URGCP: variants seen among roughly 807,000 people sequenced by gnomAD.
URGCP encodes up-regulator of cell proliferation.
In URGCP, 13 loss-of-function variants were observed where a neutral mutation model predicts 24.6. That is an observed-to-expected ratio of 0.53 (90% CI 0.34 to 0.84). The LOEUF (loss-of-function observed/expected upper bound fraction) is 0.84, where lower values mean the gene tolerates loss of function less well. URGCP is among the 40% of genes least tolerant of loss of function. The pLI is 0.01. For missense variants in URGCP, 899 were observed against 1,194.3 expected, an observed-to-expected ratio of 0.75 and a Z score of 3.64; for synonymous variants, 444 against 487.2, an observed-to-expected ratio of 0.91 and a Z score of 1.17.
intron 3 of URGCP, among the ~76,000 whole-genome samples, chr7:43,882,298 C>G (rs2095855132): frequency 6.6e-6 from 1 of 152,172 alleles, no homozygotes; most frequent in African/African-American, 2.4e-5. Flanking sequence ...CAAAAATTAG[C>G]TGGGCGTGGT....
At chr7:43,909,590 G>A (rs531314937), upstream of URGCP, among the ~76,000 whole-genome samples, 3 of 152,178 alleles carry the variant, frequency 2.0e-5, no homozygotes, top group Admixed American at 1.3e-4. Context: ...GCTGGGTGTG[G>A]TGGCGTGTGC....
At position 43,877,264 on chromosome 7, in the gene URGCP, G is replaced by A; in HGVS notation, c.2199C>T (p.Ile733=). 1 of 1,614,058 alleles carries A rather than the reference G, an allele frequency of 6.2e-7. No individual in the cohort carries two copies. The highest frequency in any genetic ancestry group is 8.5e-7 in the Non-Finnish European group (1 of 1,180,038). The change falls in exon 6 of 6, where the codon ATC becomes ATT. Residue 733 remains isoleucine (I), a synonymous_variant. Transcript: ENST00000453200. ...CGPRGAFMQL[I]TVAEGFSQDL... is the part of the protein sequence containing the mutation. ...CCTGGCTGAAGCCCTCAGCCACTGT[G>A]ATGAGCTGCATGAAGGCCCCTCGAG...
intron 1 of URGCP, among the ~76,000 whole-genome samples, chr7:43,896,461 A>C (rs1175136946): frequency 2.0e-5 from 3 of 152,022 alleles, no homozygotes; most frequent in Non-Finnish European, 4.4e-5. Context: ...TCTCAAAAAA[A>C]AAAAAAAAAA....
chr7:43,884,069 A>G (rs2095858630), intron 3 of URGCP, among the ~76,000 whole-genome samples: 1 of 152,224 alleles, frequency 6.6e-6, no homozygotes, highest in African/African-American at 2.4e-5. Context: ...AGCTGGAGTC[A>G]GGAGTAACCT....
intron 3 of URGCP, among the ~76,000 whole-genome samples, chr7:43,882,855 T>A (rs1412535364): frequency 6.6e-6 from 1 of 152,250 alleles, no homozygotes; most frequent in South Asian, 2.1e-4. Context: ...GATTAACCTT[T>A]GATTTTAGAA....
At chr7:43,906,390 C>A in intron 1 of URGCP, 172 bp downstream of exon 1, 2 of 754,726 alleles carry the variant, frequency 2.6e-6, no homozygotes, top group South Asian at 5.8e-5. Context: ...GCCGGTCCGC[C>A]CAAGGTCGGC....
intron 1 of URGCP, among the ~76,000 whole-genome samples, chr7:43,921,427 C>A (rs1172584058): frequency 6.6e-6 from 1 of 152,072 alleles, no homozygotes; most frequent in African/African-American, 2.4e-5. Context: ...AGCTGTAATA[C>A]CTTTTAGTTC....
intron 1 of URGCP, chr7:43,919,107 T>C: frequency 1.1e-6 from 1 of 885,828 alleles, no homozygotes; most frequent in South Asian, 1.3e-5. Context: ...CTTTGTGCTG[T>C]GTCAGTTCAT....
chr7:43,876,887 A>C lies in URGCP; in HGVS notation c.2576T>G (p.Phe859Cys). 6.2e-7 allele frequency: 1 copy of C among 1,613,972 alleles called. No homozygotes were observed. ...GAAGGCCAGGCCTGCCAGTGCCCGG[A>C]AGCCGTCGCCCTGTTTCTCCATCTG... ...AAQMEKQGDG[F>C]RALAGLAFCD... The change falls in exon 6 of 6, where the codon TTC becomes TGC. Residue 859 changes from phenylalanine (F) to cysteine (C), a missense_variant. Physicochemically the swap from Phe to Cys is radical, Grantham distance 205. Coordinates refer to ENST00000453200, the MANE Select transcript of URGCP (RefSeq NM_001077663.3).
upstream of URGCP, among the ~76,000 whole-genome samples, chr7:43,909,668 G>T (rs2095907892): frequency 6.6e-6 from 1 of 151,996 alleles, no homozygotes; most frequent in African/African-American, 2.4e-5. Flanking sequence ...GGAGGCTGCA[G>T]TGACTGCAGC....
intron 1 of URGCP, among the ~76,000 whole-genome samples, chr7:43,920,538 G>A (rs1293265334): frequency 2.0e-5 from 3 of 152,184 alleles, no homozygotes; most frequent in African/African-American, 7.2e-5. Context: ...ACAACGGCCT[G>A]GGCAACAGAG....
rs143954223 is a variant in URGCP at position 43,917,618 on chromosome 7, T to A, written c.-116+8514A>T. Among the ~76,000 whole-genome samples the A allele has an allele frequency of 9.3e-4, 142 of 152,324 alleles. 2 individuals carry two copies. The highest frequency in any genetic ancestry group is 3.3e-3 in the African/African-American group (137 of 41,568). Reference sequence around the variant, plus strand: ...TTATCATTTGTTGATTCTCTTCCCCTTCATGAACCACCTTAAATTTTCCTT... The same window carrying A: ...TTATCATTTGTTGATTCTCTTCCCCATCATGAACCACCTTAAATTTTCCTT... On this transcript the variant is annotated intron_variant, in intron 1 of 5. Coordinates refer to the URGCP transcript ENST00000426198.
rs2095849439 is a variant in URGCP at position 43,878,753 on chromosome 7, C to G, written c.710G>C (p.Arg237Thr). 4.3e-6 allele frequency: 7 copies of G among 1,614,116 alleles called. No individual in the cohort carries two copies. Among genetic ancestry groups the G allele is most frequent in the Non-Finnish European group, 5.9e-6 (7 of 1,179,970 alleles). ...FLLWAMRGIV[R>T]TWWSQPPRGM... is the part of the protein sequence containing the mutation. ...CCTTGGGGGCTGGGACCACCATGTC[C>G]TCACAATGCCCCGCATGGCCCACAG... Residue 237 changes from arginine (R) to threonine (T), a missense_variant, in exon 6 of 6, where the codon AGG becomes ACG. Transcript: ENST00000453200. This position sits in a 1 kb window ranked among gnomAD's most constrained non-coding sequence, Gnocchi z 5.6.
At chr7:43,899,692 G>A (rs2095886156) in intron 1 of URGCP, among the ~76,000 whole-genome samples, 1 of 152,086 alleles carries the variant, frequency 6.6e-6, no homozygotes, top group South Asian at 2.1e-4. Context: ...ACTGATCTAG[G>A]TCGCTTTGAG....
chr7:43,910,329 T>C (rs548710838), upstream of URGCP, among the ~76,000 whole-genome samples: 1 of 150,130 alleles, frequency 6.7e-6, no homozygotes, highest in African/African-American at 2.4e-5. Context: ...GATTCTCCCA[T>C]CTCAAACTCC....
chr7:43,891,474 C>T lies in URGCP; in HGVS notation c.15-3658G>A, dbSNP rs144731371. Among the ~76,000 whole-genome samples, 379 of 152,308 alleles carry T rather than the reference C, an allele frequency of 2.5e-3. 2 individuals are homozygous for T. Among genetic ancestry groups the T allele is most frequent in the African/African-American group, 8.0e-3 (332 of 41,558 alleles). On this transcript the variant is annotated intron_variant, in intron 1 of 5. Transcript: ENST00000453200. ...CTGCCTTTCTTCATGGTCCAGGACA[C>T]ATAATCCTCCTGCGTAAATAAGTCA...
Position 43,881,607 on chromosome 7 carries a change from G to C in URGCP, c.202+52C>G. 1.9e-6 allele frequency: 3 copies of C among 1,612,958 alleles called. No individual in the cohort carries two copies. In the South Asian group the frequency reaches 3.3e-5, roughly 18 times the overall value. On this transcript the variant is annotated intron_variant, in intron 5 of 5. Transcript: ENST00000453200. ...GTCAGGTGTGGGAACTGCTGGCCTA[G>C]ATGATAACCCCCTTTCATAGAACAG...
At chr7:43,893,393 C>T (rs1295757706) in intron 1 of URGCP, among the ~76,000 whole-genome samples, 1 of 151,202 alleles carries the variant, frequency 6.6e-6, no homozygotes, top group African/African-American at 2.4e-5. Flanking sequence ...ATGGTGCATG[C>T]ACCTGTAGTC....
At chr7:43,918,734 C>A in intron 1 of URGCP, 1 of 764,412 alleles carries the variant, frequency 1.3e-6, no homozygotes, top group Admixed American at 2.0e-5. Context: ...TGGGCCAGTG[C>A]AGCAATCAGA....
Sources: gnomAD v4.1 joint callset for allele counts (sites outside exome capture counted in the v4.1 genomes callset) on GRCh38, gnomAD v4.1.1 for gene constraint, Gnocchi (gnomAD v3.1) non-coding constraint, MANE v1.5 for transcripts, NCBI Gene and HGNC (gene_info 2026-07-23, HGNC 2026-07-21) for gene names.